The following DYNC2H1 variants were observed in gnomAD, a reference collection of about 807,000 sequenced individuals.
DYNC2H1 encodes dynein cytoplasmic 2 heavy chain 1, also known as cytoplasmic dynein 2 heavy chain 1.
In DYNC2H1, 410 loss-of-function variants were observed where a neutral mutation model predicts 570.0. That is an observed-to-expected ratio of 0.72 (90% CI 0.66 to 0.78). The LOEUF (loss-of-function observed/expected upper bound fraction) is 0.78, where lower values mean the gene tolerates loss of function less well. Among genes scored for constraint, DYNC2H1 ranks in the 30% least tolerant of loss-of-function variants. The pLI is 0.00. For synonymous variants in DYNC2H1, 1,688 were observed against 1,677.6 expected (o/e 1.01, Z -0.15); for missense variants, 4,865 against 5,046.4 (o/e 0.96, Z 1.09).
At chr11:103,127,033 A>G (rs1439400110) in intron 12 of DYNC2H1, among the ~76,000 whole-genome samples, 4 of 152,208 alleles carry the variant, frequency 2.6e-5, no homozygotes, top group African/African-American at 7.2e-5. Context: ...GTGAAAGCAT[A>G]GAGGTAGGAA....
intron 82 of DYNC2H1, among the ~76,000 whole-genome samples, chr11:103,336,962 A>G (rs1168146250): frequency 1.3e-5 from 2 of 152,128 alleles, no homozygotes; most frequent in Non-Finnish European, 2.9e-5. Flanking sequence ...ACTGGTCATA[A>G]ACAAAATCTC....
intron 71 of DYNC2H1, among the ~76,000 whole-genome samples, chr11:103,281,448 T>C (rs1866128377): frequency 6.6e-6 from 1 of 152,088 alleles, no homozygotes; most frequent in African/African-American, 2.4e-5. Context: ...AATGTAGTAG[T>C]AATCATTCAT....
intron 85 of DYNC2H1, among the ~76,000 whole-genome samples, chr11:103,445,898 C>T (rs559365731): frequency 1.4e-4 from 22 of 152,218 alleles, no homozygotes; most frequent in Non-Finnish European, 2.1e-4. Flanking sequence ...GTGATCCGCC[C>T]GCCTCGGCCT....
At chr11:103,190,017 C>T (rs1022341561) in intron 45 of DYNC2H1, among the ~76,000 whole-genome samples, 4 of 151,984 alleles carry the variant, frequency 2.6e-5, no homozygotes, top group Non-Finnish European at 5.9e-5. Context: ...AATAGGCACT[C>T]GATATTTGTT....
chr11:103,155,609 C>T (rs764778782), intron 25 of DYNC2H1, 108 bp downstream of exon 25: 46 of 1,093,182 alleles, frequency 4.2e-5, no homozygotes, highest in Admixed American at 1.8e-4. Context: ...AGGGAATCAG[C>T]TTTCATCAAA....
rs139638340 is a variant in DYNC2H1 at position 103,202,076 on chromosome 11, C to T, written c.8198-1587C>T. Among the ~76,000 whole-genome samples the T allele has an allele frequency of 5.3e-5, 8 of 152,078 alleles. No individual in the cohort carries two copies. The East Asian group carries it at 1.5e-3, about 29-fold the overall frequency. Reference sequence around the variant, plus strand: ...ATAAGTAATATTTAAACATTAGTGCCCAGATGAGAAATACAGACCAGGATG... The same window carrying T: ...ATAAGTAATATTTAAACATTAGTGCTCAGATGAGAAATACAGACCAGGATG... On this transcript the variant is annotated intron_variant, in intron 50 of 88. Transcript: ENST00000375735.
intron 6 of DYNC2H1, 47 bp downstream of exon 6, chr11:103,117,910 T>C: frequency 6.9e-7 from 1 of 1,444,832 alleles, no homozygotes; most frequent in Non-Finnish European, 9.4e-7. Context: ...GTAAAGTGTA[T>C]CTTCACTTGT....
intron 50 of DYNC2H1, among the ~76,000 whole-genome samples, chr11:103,202,135 TA>T (rs376760945): frequency 1.3e-5 from 2 of 152,280 alleles, no homozygotes; most frequent in East Asian, 3.9e-4. Flanking sequence ...CCATTTCTGT[TA>T]AAAAGTTGAG....
chr11:103,312,451 A>G (rs1401445890), intron 79 of DYNC2H1, among the ~76,000 whole-genome samples: 1 of 144,282 alleles, frequency 6.9e-6, no homozygotes, highest in African/African-American at 2.5e-5. Flanking sequence ...CTGAGGTAGG[A>G]GAATTGCTTG....
At position 103,158,991 on chromosome 11, in the gene DYNC2H1, T is replaced by C; in HGVS notation, c.4342T>C (p.Ser1448Pro). Residue 1448 changes from serine to proline, a missense_variant, in exon 28 of 89, where the codon TCA becomes CCA. Coordinates refer to ENST00000375735, the MANE Select transcript of DYNC2H1 (RefSeq NM_001377.3). ...AATATTGGGCCAGTCTACCAACCCATCAGTGATTCAGTCTCACCTGAAGAA... is the reference window on the plus strand; with the variant it reads ...AATATTGGGCCAGTCTACCAACCCACCAGTGATTCAGTCTCACCTGAAGAA... The part of the protein sequence containing the change: ...LEILGQSTNP[S>P]VIQSHLKKLF... The C allele has an allele frequency of 6.2e-7, 1 of 1,613,366 alleles. No homozygotes were observed. Among genetic ancestry groups the C allele is most frequent in the East Asian group, 2.2e-5 (1 of 44,844 alleles).
Position 103,121,504 on chromosome 11 carries a change from T to C in DYNC2H1, c.1485+8T>C. 6.2e-7 allele frequency: 1 copy of C among 1,610,678 alleles called. No homozygotes were observed. The highest frequency in any genetic ancestry group is 8.5e-7 in the Non-Finnish European group (1 of 1,178,698). On this transcript the variant is annotated splice_region_variant and intron_variant, in intron 10 of 88. Coordinates refer to ENST00000375735, the MANE Select transcript of DYNC2H1 (RefSeq NM_001377.3). The stretch of plus-strand genomic sequence containing the variant: ...CGCCAGTTGGAATTGAAGGTATTTA[T>C]TTTAATAAAAGATGAAGAGTACTAA...
Position 103,113,545 on chromosome 11 carries a change from T to G in DYNC2H1, c.204T>G (p.Phe68Leu), listed in dbSNP as rs755430073. 1 of 1,556,290 alleles carries G rather than the reference T, an allele frequency of 6.4e-7. No homozygotes were observed. Among genetic ancestry groups the G allele is most frequent in the South Asian group, 1.3e-5 (1 of 77,374 alleles). ...AGISFSNTIE[F>L]GDTKDKVLVF... Reference sequence around the variant, plus strand: ...ATCATTTATCACTTTAGATTGAGTTTGGTGACACAAAAGATAAAGTGCTGG... The same window carrying G: ...ATCATTTATCACTTTAGATTGAGTTGGGTGACACAAAAGATAAAGTGCTGG... The change falls in exon 2 of 89, where the codon TTT becomes TTG. Residue 68 changes from phenylalanine (F) to leucine (L), a missense_variant. Coordinates refer to ENST00000375735, the MANE Select transcript of DYNC2H1 (RefSeq NM_001377.3).
rs147276122 is a variant in DYNC2H1, at chr11:103,369,677, C to T, written c.12156+11318C>T. On this transcript the variant is annotated intron_variant, in intron 83 of 88. Transcript: ENST00000375735. The surrounding 1 kb of genome is among the most constrained non-coding windows in gnomAD (Gnocchi z 4.0). Reference sequence around the variant, plus strand: ...AAGTTGTGAGCCCTTTTTCTAGGCCCTAGCTCCCGGGCAACATTCGTAGAC... The same window carrying T: ...AAGTTGTGAGCCCTTTTTCTAGGCCTTAGCTCCCGGGCAACATTCGTAGAC... Among the ~76,000 whole-genome samples the T allele has an allele frequency of 7.4e-4, 113 of 152,272 alleles. No individual in the cohort carries two copies. The highest frequency in any genetic ancestry group is 2.6e-3 in the African/African-American group (106 of 41,548).
chr11:103,264,217 C>T lies in DYNC2H1; in HGVS notation c.10695+4240C>T, dbSNP rs765285218. ...CTGAAATTGAGGCAGTAATTAATAG[C>T]CTACCAACCAAAAAAAGCCCAGGGT... On this transcript the variant is annotated intron_variant, in intron 70 of 88. Coordinates refer to ENST00000375735, the MANE Select transcript of DYNC2H1 (RefSeq NM_001377.3). This position sits in a 1 kb window ranked among gnomAD's most constrained non-coding sequence, Gnocchi z 4.8. Among the ~76,000 whole-genome samples the T allele has an allele frequency of 3.7e-4, 57 of 152,150 alleles. No homozygotes were observed. The highest frequency in any genetic ancestry group is 7.1e-4 in the Non-Finnish European group (48 of 68,030).
intron 79 of DYNC2H1, among the ~76,000 whole-genome samples, chr11:103,312,362 A>G (rs202225898): frequency 4.0e-4 from 57 of 143,518 alleles, no homozygotes; most frequent in Admixed American, 4.9e-4. Flanking sequence ...CCTGGGCAAC[A>G]AGAGCAAAAC....
intron 85 of DYNC2H1, among the ~76,000 whole-genome samples, chr11:103,452,544 CT>C (rs879294334): frequency 2.9e-4 from 43 of 145,888 alleles, no homozygotes; most frequent in Middle Eastern, 3.5e-3. Flanking sequence ...ATATGGAAAA[CT>C]TTTTTTTTTT....
chr11:103,275,968 T>C lies in DYNC2H1; in HGVS notation c.10696-4380T>C, dbSNP rs1431323174. On this transcript the variant is annotated intron_variant, in intron 70 of 88. Coordinates refer to ENST00000375735, the MANE Select transcript of DYNC2H1 (RefSeq NM_001377.3). This position sits in a 1 kb window ranked among gnomAD's most constrained non-coding sequence, Gnocchi z 4.8. ...TGCCTTCCAAAGTGGCTGTACCCTTTTGCATTCCTGCCAGCAATTAATGAG... is the reference window on the plus strand; with the variant it reads ...TGCCTTCCAAAGTGGCTGTACCCTTCTGCATTCCTGCCAGCAATTAATGAG... Among the ~76,000 whole-genome samples, 3 of 152,200 alleles carry C rather than the reference T, an allele frequency of 2.0e-5. No individual in the cohort carries two copies. Among genetic ancestry groups the C allele is most frequent in the Non-Finnish European group, 4.4e-5 (3 of 68,034 alleles).
intron 54 of DYNC2H1, among the ~76,000 whole-genome samples, chr11:103,214,578 G>A (rs1863302540): frequency 6.6e-6 from 1 of 151,276 alleles, no homozygotes; most frequent in African/African-American, 2.4e-5. Context: ...CCGAGTAGCT[G>A]CGATACAGGC....
intron 32 of DYNC2H1, among the ~76,000 whole-genome samples, chr11:103,169,279 G>A (rs1409735005): frequency 1.3e-5 from 2 of 152,014 alleles, no homozygotes; most frequent in Non-Finnish European, 2.9e-5. Context: ...CTCAGTCAAA[G>A]CAATTTGGTT....
Sources: allele counts gnomAD v4.1 joint callset (sites outside exome capture counted in the v4.1 genomes callset), GRCh38; gene constraint gnomAD v4.1.1; non-coding constraint Gnocchi (gnomAD v3.1); transcripts MANE v1.5; gene names NCBI Gene and HGNC (gene_info 2026-07-23, HGNC 2026-07-21).